The following ATP8A1 variants were observed in gnomAD, a reference collection of about 807,000 sequenced individuals.
ATP8A1 encodes ATPase phospholipid transporting 8A1, also known as phospholipid-transporting ATPase IA.
ATP8A1 carries 90 observed loss-of-function variants against 177.7 expected under a neutral mutation model. The observed-to-expected ratio is 0.51, with a 90% CI of 0.43 to 0.60. The LOEUF (loss-of-function observed/expected upper bound fraction) is 0.60, where lower values mean the gene tolerates loss of function less well. ATP8A1 is among the 20% of genes least tolerant of loss of function. ATP8A1 has a pLI of 0.00. For synonymous variants in ATP8A1, 493 were observed against 485.9 expected (o/e 1.01, Z -0.19); for missense variants, 1,072 against 1,392.8 (o/e 0.77, Z 3.67).
At chr4:42,521,026 T>C (rs1056928741) in intron 22 of ATP8A1, among the ~76,000 whole-genome samples, 1 of 151,974 alleles carries the variant, frequency 6.6e-6, no homozygotes, top group African/African-American at 2.4e-5. Flanking sequence ...GGGGAAATAG[T>C]CCAGGGAGGT....
At chr4:42,636,729 C>T (rs1197336810) in intron 1 of ATP8A1, among the ~76,000 whole-genome samples, 1 of 152,088 alleles carries the variant, frequency 6.6e-6, no homozygotes, top group Non-Finnish European at 1.5e-5. Context: ...GGAAACAGCC[C>T]ATTGCTTTCC....
intron 5 of ATP8A1, among the ~76,000 whole-genome samples, chr4:42,602,528 C>G (rs975646601): frequency 1.3e-5 from 2 of 152,136 alleles, no homozygotes; most frequent in Admixed American, 6.5e-5. Context: ...CTTTGGGAGG[C>G]CGAGGTGAGC....
intron 1 of ATP8A1, among the ~76,000 whole-genome samples, chr4:42,650,860 G>T (rs1741020805): frequency 6.6e-6 from 1 of 152,078 alleles, no homozygotes; most frequent in Non-Finnish European, 1.5e-5. Context: ...ATCCAAGCAA[G>T]AGCCTTTGGC....
intron 25 of ATP8A1, among the ~76,000 whole-genome samples, chr4:42,472,775 G>GA (rs760988251): frequency 2.0e-4 from 29 of 143,766 alleles, no homozygotes; most frequent in Middle Eastern, 3.7e-3. Flanking sequence ...GAGAGAAAAA[G>GA]AAAAAAAAGA....
At chr4:42,512,848 T>C (rs780746913) in intron 22 of ATP8A1, among the ~76,000 whole-genome samples, 3 of 152,192 alleles carry the variant, frequency 2.0e-5, no homozygotes, top group Non-Finnish European at 4.4e-5. Context: ...TCTGAGAACG[T>C]AACTATGAGA....
intron 20 of ATP8A1, among the ~76,000 whole-genome samples, chr4:42,542,525 T>C (rs902589033): frequency 2.0e-5 from 3 of 152,150 alleles, no homozygotes; most frequent in Non-Finnish European, 4.4e-5. Context: ...ACATGTGCCA[T>C]GTTGGTTTGC....
At chr4:42,565,600 T>C (rs1332280253) in intron 15 of ATP8A1, among the ~76,000 whole-genome samples, 1 of 152,176 alleles carries the variant, frequency 6.6e-6, no homozygotes, top group Non-Finnish European at 1.5e-5. Context: ...ACTTGAACGA[T>C]TATCAACAAG....
At chr4:42,615,197 T>G (rs1232193094) in intron 5 of ATP8A1, among the ~76,000 whole-genome samples, 1 of 152,206 alleles carries the variant, frequency 6.6e-6, no homozygotes, top group Non-Finnish European at 1.5e-5. Context: ...AATTAGTAAA[T>G]ATATCATCCT....
intron 19 of ATP8A1, among the ~76,000 whole-genome samples, chr4:42,548,117 G>A (rs747338195): frequency 1.6e-4 from 25 of 152,178 alleles, no homozygotes; most frequent in Non-Finnish European, 1.6e-4. Flanking sequence ...TCGACCTTAA[G>A]AAATAAAATA....
chr4:42,449,612 A>C (rs1717718331), intron 30 of ATP8A1, among the ~76,000 whole-genome samples: 1 of 152,258 alleles, frequency 6.6e-6, no homozygotes, highest in African/African-American at 2.4e-5. Flanking sequence ...TTAAAAATGA[A>C]AACAAGGCGA....
intron 20 of ATP8A1, among the ~76,000 whole-genome samples, chr4:42,542,893 C>T (rs1728555580): frequency 6.6e-6 from 1 of 151,944 alleles, no homozygotes. Flanking sequence ...AAATTGTATC[C>T]CAATCTTCTT....
chr4:42,494,057 C>T lies in ATP8A1; in HGVS notation c.2152-8389G>A, dbSNP rs182947730. On this transcript the variant is annotated intron_variant, in intron 24 of 36. Coordinates refer to ENST00000381668, the MANE Select transcript of ATP8A1 (RefSeq NM_006095.2). Reference sequence around the variant, plus strand: ...TCTCTACTAAAACAAAAAAATTAGCCGGGTGTGGTGGCACATGTCTGTAAT... The same window carrying T: ...TCTCTACTAAAACAAAAAAATTAGCTGGGTGTGGTGGCACATGTCTGTAAT... 4.5e-4 allele frequency among the ~76,000 whole-genome samples: 63 copies of T among 140,478 alleles called. No individual in the cohort carries two copies. The East Asian group carries it at 0.013, about 29-fold the overall frequency. The allele number at this position is 140,478 out of a possible 152,430, so 92.2% of individuals were successfully genotyped here.
At chr4:42,576,641 T>G (rs1732492035) in intron 12 of ATP8A1, among the ~76,000 whole-genome samples, 1 of 152,128 alleles carries the variant, frequency 6.6e-6, no homozygotes, top group Non-Finnish European at 1.5e-5. Flanking sequence ...TCACAAATTT[T>G]CATGTCAAAT....
At chr4:42,580,438 T>G (rs1036892126) in intron 10 of ATP8A1, among the ~76,000 whole-genome samples, 1 of 152,236 alleles carries the variant, frequency 6.6e-6, no homozygotes, top group Non-Finnish European at 1.5e-5. Context: ...TTCAAATTTC[T>G]GGTGGCATTT....
Position 42,422,666 on chromosome 4 carries a change from CAT to C in ATP8A1, c.3305+139_3305+140del, listed in dbSNP as rs757941304. 5.9e-5 allele frequency: 38 copies of C among 645,076 alleles called. 1 individual carries two copies. Among genetic ancestry groups the C allele is most frequent in the South Asian group, 4.9e-4 (22 of 44,814 alleles). The allele number at this position is 645,076 out of a possible 1,614,324, so 40.0% of individuals were successfully genotyped here. On this transcript the variant is annotated intron_variant, in intron 35 of 36. Coordinates refer to ENST00000381668, the MANE Select transcript of ATP8A1 (RefSeq NM_006095.2). The stretch of plus-strand genomic sequence containing the variant: ...TTAGAAAGCGACAGATTTAAATCCA[CAT>C]GTCTCTGACTCCCAAACCTGCCAAT...
rs1712586135 is a variant in ATP8A1, at chr4:42,411,390, A to G, written c.*1526T>C. 1.3e-5 allele frequency: 2 copies of G among 152,220 alleles called. No homozygotes were observed. The highest frequency in any genetic ancestry group is 4.8e-5 in the African/African-American group (2 of 41,464). The allele number at this position is 152,220 out of a possible 1,614,324, so 9.4% of individuals were successfully genotyped here. On this transcript the variant is annotated 3_prime_UTR_variant, in exon 37 of 37. Coordinates refer to ENST00000381668, the MANE Select transcript of ATP8A1 (RefSeq NM_006095.2). ...TCTCAATTCTAGTTGACTTTTTTTAAAAGAGAAAGTTCTACCTATTTTGCT... is the reference window on the plus strand; with the variant it reads ...TCTCAATTCTAGTTGACTTTTTTTAGAAGAGAAAGTTCTACCTATTTTGCT...
intron 20 of ATP8A1, among the ~76,000 whole-genome samples, chr4:42,540,915 T>C (rs1220208310): frequency 1.3e-5 from 2 of 152,158 alleles, no homozygotes; most frequent in African/African-American, 2.4e-5. Flanking sequence ...AAAGATGTAT[T>C]GTACTAAGCT....
chr4:42,591,587 A>G (rs1311434622), intron 6 of ATP8A1, among the ~76,000 whole-genome samples: 1 of 152,164 alleles, frequency 6.6e-6, no homozygotes, highest in African/African-American at 2.4e-5. Flanking sequence ...CTTTGAATCC[A>G]GAGAAATTTT....
chr4:42,530,681 G>A (rs1727173744), intron 20 of ATP8A1, among the ~76,000 whole-genome samples: 1 of 152,202 alleles, frequency 6.6e-6, no homozygotes, highest in African/African-American at 2.4e-5. Context: ...TAGAAGGGTG[G>A]AATGGCCTTT....
Sources: allele counts gnomAD v4.1 joint callset (sites outside exome capture counted in the v4.1 genomes callset), GRCh38; gene constraint gnomAD v4.1.1; transcripts MANE v1.5; gene names NCBI Gene and HGNC (gene_info 2026-07-23, HGNC 2026-07-21).